Variants in MTMR3 observed in about 807,000 individuals in gnomAD.
The protein encoded by MTMR3 is myotubularin related protein 3.
Under a neutral mutation model 132.4 loss-of-function variants are expected in MTMR3, and 32 were observed. That is an observed-to-expected ratio of 0.24 (90% CI 0.18 to 0.32). MTMR3 has a LOEUF of 0.32. Ranked by LOEUF, MTMR3 falls within the 10% of genes least tolerant of loss-of-function variation. MTMR3 has a pLI of 1.00. For missense variants in MTMR3, 1,216 were observed against 1,489.6 expected, an observed-to-expected ratio of 0.82 and a Z score of 3.02; for synonymous variants, 556 against 550.3, an observed-to-expected ratio of 1.01 and a Z score of -0.14.
chr22:29,962,910 CTTTTTTTTT>C (rs892383539), intron 2 of MTMR3, among the ~76,000 whole-genome samples: 1 of 133,622 alleles, frequency 7.5e-6, no homozygotes, highest in African/African-American at 2.8e-5. Flanking sequence ...TCTCTTTTTT[CTTTTTTTTT>C]TTTTTTTGAG....
chr22:29,965,343 T>C (rs1164785798), intron 2 of MTMR3, among the ~76,000 whole-genome samples: 3 of 152,150 alleles, frequency 2.0e-5, no homozygotes, highest in Non-Finnish European at 1.5e-5. Flanking sequence ...AGACTATGTT[T>C]AAATTGAGAC....
intron 1 of MTMR3, among the ~76,000 whole-genome samples, chr22:29,912,609 T>C (rs779945452): frequency 1.9e-4 from 29 of 152,170 alleles, no homozygotes; most frequent in Non-Finnish European, 8.8e-5. Context: ...CTGTTGTCAT[T>C]ATGTTGCCTT....
intron 5 of MTMR3, chr22:29,984,480 T>C (rs769470749): frequency 6.6e-6 from 1 of 152,260 alleles, no homozygotes; most frequent in Non-Finnish European, 1.5e-5. Flanking sequence ...TTCTGCTTTT[T>C]TTGGATTGAT....
At chr22:29,929,095 C>T (rs1041600102) in intron 1 of MTMR3, among the ~76,000 whole-genome samples, 3 of 151,950 alleles carry the variant, frequency 2.0e-5, no homozygotes, top group African/African-American at 7.2e-5. Flanking sequence ...GTCTGGGCAA[C>T]ATGGTGAAAC....
chr22:30,021,057 C>A, intron 17 of MTMR3, 173 bp downstream of exon 17: 1 of 673,470 alleles, frequency 1.5e-6, no homozygotes, highest in South Asian at 2.0e-5. Context: ...GCGATGGCAG[C>A]CTGCCTGTTT....
intron 2 of MTMR3, among the ~76,000 whole-genome samples, chr22:29,959,259 A>G (rs1286186647): frequency 6.6e-6 from 1 of 152,108 alleles, no homozygotes; most frequent in Non-Finnish European, 1.5e-5. Flanking sequence ...TATATTAAGG[A>G]AAGAAAGGTT....
intron 2 of MTMR3, among the ~76,000 whole-genome samples, chr22:29,959,021 A>G (rs943236320): frequency 6.6e-6 from 1 of 152,194 alleles, no homozygotes; most frequent in African/African-American, 2.4e-5. Flanking sequence ...TTGTAGTCCA[A>G]GTTGCTCCGT....
chr22:30,012,273 T>C lies in MTMR3; in HGVS notation c.1122-95T>C, dbSNP rs2067452038. On this transcript the variant is annotated intron_variant, in intron 12 of 19. Coordinates refer to ENST00000401950, the MANE Select transcript of MTMR3 (RefSeq NM_021090.4). ...GCAGTGTTATATTTGGAGAGAGAAATCTTTGGAAATTGCTTTTTCATTTGA... is the reference window on the plus strand; with the variant it reads ...GCAGTGTTATATTTGGAGAGAGAAACCTTTGGAAATTGCTTTTTCATTTGA... 1.4e-5 allele frequency: 19 copies of C among 1,345,012 alleles called. No individual in the cohort carries two copies. The South Asian group carries it at 2.2e-4, about 16-fold the overall frequency. The allele number at this position is 1,345,012 out of a possible 1,614,324, so 83.3% of individuals were successfully genotyped here.
At chr22:29,901,619 T>C (rs1441668835) in intron 1 of MTMR3, among the ~76,000 whole-genome samples, 1 of 152,226 alleles carries the variant, frequency 6.6e-6, no homozygotes, top group East Asian at 1.9e-4. Flanking sequence ...ACCTCTAGTC[T>C]CTGGCAACCA....
At chr22:29,928,929 T>G (rs1193548633) in intron 1 of MTMR3, among the ~76,000 whole-genome samples, 1 of 152,206 alleles carries the variant, frequency 6.6e-6, no homozygotes, top group Non-Finnish European at 1.5e-5. Flanking sequence ...TAGTATATTG[T>G]CAAGGTACTC....
chr22:29,896,869 T>TCTCA lies in MTMR3; in HGVS notation c.-138+13511_-138+13512insTCAC, dbSNP rs145703649. Among the ~76,000 whole-genome samples the TCTCA allele has an allele frequency of 9.0e-3, 1,246 of 138,204 alleles. 13 individuals carry two copies. The highest frequency in any genetic ancestry group is 0.016 in the East Asian group (73 of 4,654). 90.7% of individuals were successfully genotyped at this position (138,204 alleles called of 152,430 possible). A position where few individuals can be genotyped will look rare whatever the true frequency, so the allele number is the denominator to read the frequency against. On this transcript the variant is annotated intron_variant, in intron 1 of 19. Transcript: ENST00000401950. ...TATAGTACAGAATAACAGGCTTGTC[T>TCTCA]CACACACACACACACACACACACAC...
intron 1 of MTMR3, among the ~76,000 whole-genome samples, chr22:29,883,741 G>A (rs2064602890): frequency 6.6e-6 from 1 of 152,188 alleles, no homozygotes; most frequent in East Asian, 1.9e-4. Context: ...GTGGGTGTGC[G>A]CCCTTCGCCC....
Position 29,974,729 on chromosome 22 carries a change from A to G in MTMR3, c.3+3667A>G, listed in dbSNP as rs144441205. On this transcript the variant is annotated intron_variant, in intron 3 of 19. Coordinates refer to ENST00000401950, the MANE Select transcript of MTMR3 (RefSeq NM_021090.4). ...TAAAAGTCAGCAGAAAACTAGGTCA[A>G]GGAATCACTTAAAGATTAATAATGG... Among the ~76,000 whole-genome samples the G allele has an allele frequency of 7.0e-4, 106 of 152,380 alleles. 1 individual carries two copies. In the East Asian group the frequency reaches 0.012, roughly 17 times the overall value.
chr22:29,939,623 T>C (rs571222470), intron 1 of MTMR3, among the ~76,000 whole-genome samples: 4 of 151,960 alleles, frequency 2.6e-5, no homozygotes, highest in African/African-American at 7.2e-5. Flanking sequence ...CCTTAGTGAC[T>C]TTCTATATGT....
chr22:29,993,970 A>G, intron 7 of MTMR3: 1 of 281,080 alleles, frequency 3.6e-6, no homozygotes, highest in Non-Finnish European at 5.4e-6. Flanking sequence ...AAAAAAGAAC[A>G]CTGGGCAAAG....
At chr22:29,916,139 G>T (rs2065303437) in intron 1 of MTMR3, among the ~76,000 whole-genome samples, 1 of 152,086 alleles carries the variant, frequency 6.6e-6, no homozygotes, top group African/African-American at 2.4e-5. Context: ...TTGTTCATCT[G>T]GGCCTGTAGA....
intron 1 of MTMR3, among the ~76,000 whole-genome samples, chr22:29,952,521 A>G (rs997293657): frequency 5.3e-5 from 8 of 152,174 alleles, no homozygotes; most frequent in African/African-American, 1.9e-4. Flanking sequence ...TCAATAGGGA[A>G]AAAGTCACAC....
intron 1 of MTMR3, among the ~76,000 whole-genome samples, chr22:29,942,701 C>G (rs955716030): frequency 9.8e-5 from 15 of 152,356 alleles, no homozygotes; most frequent in African/African-American, 3.6e-4. Flanking sequence ...AGCGATATTT[C>G]TCCCATTTGC....
At chr22:30,003,189 GT>G (rs2067209426) in intron 9 of MTMR3, 196 bp downstream of exon 9, 2 of 435,204 alleles carry the variant, frequency 4.6e-6, no homozygotes, top group South Asian at 1.2e-4. Flanking sequence ...ACACTAGCTG[GT>G]TGTTCATTTG....
Sources: gnomAD v4.1 joint callset for allele counts (sites outside exome capture counted in the v4.1 genomes callset) on GRCh38, gnomAD v4.1.1 for gene constraint, MANE v1.5 for transcripts, NCBI Gene and HGNC (gene_info 2026-07-23, HGNC 2026-07-21) for gene names.